Variants in SERGEF observed in about 807,000 individuals in gnomAD.
SERGEF encodes the protein secretion-regulating guanine nucleotide exchange factor.
Under a neutral mutation model 50.0 loss-of-function variants are expected in SERGEF, and 51 were observed. That is an observed-to-expected ratio of 1.02 (90% CI 0.81 to 1.29). The LOEUF is 1.29. SERGEF is among the 50% of genes most tolerant of loss of function. The probability of loss-of-function intolerance (pLI) is 0.00; values close to 1 mark genes in which losing one functional copy is unlikely to be tolerated. For missense variants in SERGEF, 521 were observed against 557.0 expected, an observed-to-expected ratio of 0.94 and a Z score of 0.65; for synonymous variants, 205 against 212.4, an observed-to-expected ratio of 0.97 and a Z score of 0.30.
Position 17,902,822 on chromosome 11 carries a change from C to G in SERGEF, c.1012-24578G>C, listed in dbSNP as rs117623465. 4.5e-4 allele frequency among the ~76,000 whole-genome samples: 68 copies of G among 152,268 alleles called. No homozygotes were observed. In the East Asian group the frequency reaches 0.011, roughly 25 times the overall value. ...CCAACATGCTGAGCTCATGAGCTTT[C>G]TAGAAGACAAGGGACAAGGGATATC... is the stretch of plus-strand genomic sequence containing the variant. On this transcript the variant is annotated intron_variant, in intron 9 of 10. Transcript: ENST00000265965.
At chr11:18,004,570 G>A (rs1220786628) in intron 3 of SERGEF, 35 bp from the exon 4 acceptor site, 2 of 1,449,324 alleles carry the variant, frequency 1.4e-6, no homozygotes, top group Admixed American at 1.8e-5. Context: ...GCAAATCTAT[G>A]AAGTAAGATG....
At chr11:17,998,708 TA>T (rs1019183101) in intron 5 of SERGEF, among the ~76,000 whole-genome samples, 5 of 151,280 alleles carry the variant, frequency 3.3e-5, no homozygotes, top group African/African-American at 1.2e-4. Flanking sequence ...TGTAGGGTCT[TA>T]ATCTAATAGG....
At chr11:17,866,305 G>A (rs1351052114) in intron 10 of SERGEF, among the ~76,000 whole-genome samples, 1 of 152,184 alleles carries the variant, frequency 6.6e-6, no homozygotes, top group African/African-American at 2.4e-5. Context: ...TCCATAAATA[G>A]TTTTCAGATA....
intron 1 of SERGEF, among the ~76,000 whole-genome samples, chr11:18,011,381 A>T (rs1319828519): frequency 6.6e-6 from 1 of 152,202 alleles, no homozygotes; most frequent in Non-Finnish European, 1.5e-5. Flanking sequence ...CACACAGAAA[A>T]GGCCATGTGA....
chr11:17,820,251 C>G (rs1162825298), intron 10 of SERGEF, among the ~76,000 whole-genome samples: 5 of 152,074 alleles, frequency 3.3e-5, no homozygotes, highest in Non-Finnish European at 5.9e-5. Flanking sequence ...ACTGCCCTCC[C>G]TCCCCCAAAC....
chr11:17,882,442 A>G (rs1030593447), intron 9 of SERGEF, among the ~76,000 whole-genome samples: 1 of 151,876 alleles, frequency 6.6e-6, no homozygotes, highest in Non-Finnish European at 1.5e-5. Flanking sequence ...AAAAAGAAAA[A>G]AAAAGACTGT....
At chr11:17,847,812 G>T (rs1027013057) in intron 10 of SERGEF, among the ~76,000 whole-genome samples, 1 of 152,160 alleles carries the variant, frequency 6.6e-6, no homozygotes, top group Non-Finnish European at 1.5e-5. Context: ...ACTGATTCCA[G>T]GTCCTTATCC....
intron 5 of SERGEF, among the ~76,000 whole-genome samples, chr11:17,997,315 G>A (rs1172894206): frequency 1.3e-5 from 2 of 152,178 alleles, no homozygotes; most frequent in African/African-American, 2.4e-5. Flanking sequence ...AACCATCAGG[G>A]AAATGAAAAC....
rs1851464719 is a variant in SERGEF at position 17,888,099 on chromosome 11, C to T, written c.1012-9855G>A. 6.6e-6 allele frequency among the ~76,000 whole-genome samples: 1 copy of T among 152,180 alleles called. No individual in the cohort carries two copies. The highest frequency in any genetic ancestry group is 2.4e-5 in the African/African-American group (1 of 41,448). On this transcript the variant is annotated intron_variant, in intron 9 of 10. Coordinates refer to ENST00000265965, the MANE Select transcript of SERGEF (RefSeq NM_012139.4). The surrounding 1 kb of genome is among the most constrained non-coding windows in gnomAD (Gnocchi z 4.1). ...TAGGCTGCGCAATCCTTATGAGACT[C>T]TAACTAATGCCTGGTGATCTGAGGT...
chr11:17,948,090 T>C (rs905208731), intron 9 of SERGEF, among the ~76,000 whole-genome samples: 1 of 151,898 alleles, frequency 6.6e-6, no homozygotes, highest in African/African-American at 2.4e-5. Flanking sequence ...CACATCGCCA[T>C]GCCTAATGTT....
Position 17,896,713 on chromosome 11 carries a change from A to AC in SERGEF, c.1012-18470_1012-18469insG, listed in dbSNP as rs1485783037. On this transcript the variant is annotated intron_variant, in intron 9 of 10. Coordinates refer to ENST00000265965, the MANE Select transcript of SERGEF (RefSeq NM_012139.4). ...AAAGGGGAAGGGTAAGGGAAGGGTA[A>AC]GGGAAGGGTAACGGAAGGGTAACGG... Among the ~76,000 whole-genome samples, 61 of 133,042 alleles carry AC rather than the reference A, an allele frequency of 4.6e-4. 4 individuals carry two copies. The highest frequency in any genetic ancestry group is 7.0e-4 in the Non-Finnish European group (43 of 61,390). 87.3% of individuals were successfully genotyped at this position (133,042 alleles called of 152,430 possible).
At chr11:17,950,627 T>C (rs1177390268) in intron 9 of SERGEF, among the ~76,000 whole-genome samples, 1 of 152,118 alleles carries the variant, frequency 6.6e-6, no homozygotes, top group Non-Finnish European at 1.5e-5. Context: ...ACTAGAAGAA[T>C]AGTGGTAGAA....
chr11:17,997,644 T>C (rs886505195), intron 5 of SERGEF, among the ~76,000 whole-genome samples: 1 of 152,194 alleles, frequency 6.6e-6, no homozygotes, highest in Non-Finnish European at 1.5e-5. Context: ...CATTGACAGA[T>C]GAATGGTAAG....
chr11:18,008,181 T>C, intron 1 of SERGEF, 105 bp from the exon 2 acceptor site: 1 of 1,165,804 alleles, frequency 8.6e-7, no homozygotes, highest in Non-Finnish European at 1.2e-6. Context: ...TCAGACCCTG[T>C]AACAGATGAG....
intron 10 of SERGEF, among the ~76,000 whole-genome samples, chr11:17,829,339 T>C (rs962661612): frequency 6.6e-6 from 1 of 152,214 alleles, no homozygotes; most frequent in Non-Finnish European, 1.5e-5. Context: ...AGGTCTTAGG[T>C]AGTACCTGAG....
intron 9 of SERGEF, among the ~76,000 whole-genome samples, chr11:17,924,422 A>G (rs768318164): frequency 1.8e-4 from 27 of 152,198 alleles, no homozygotes; most frequent in Non-Finnish European, 3.1e-4. Context: ...AAGTCTGGCT[A>G]TAAGAAGGGT....
At chr11:17,933,643 A>G (rs1852394971) in intron 9 of SERGEF, among the ~76,000 whole-genome samples, 1 of 152,078 alleles carries the variant, frequency 6.6e-6, no homozygotes, top group Admixed American at 6.6e-5. Flanking sequence ...CAGTATCTAT[A>G]TTCCCTTAAG....
intron 10 of SERGEF, 172 bp downstream of exon 10, chr11:17,878,036 G>T (rs1292257045): frequency 5.1e-6 from 3 of 586,514 alleles, no homozygotes; most frequent in Non-Finnish European, 9.2e-6. Flanking sequence ...GAAATATTCA[G>T]AAAAGGAGCT....
intron 9 of SERGEF, among the ~76,000 whole-genome samples, chr11:17,941,894 A>C (rs1397882844): frequency 1.3e-5 from 2 of 152,166 alleles, no homozygotes; most frequent in Admixed American, 1.3e-4. Context: ...GATGTTGAGC[A>C]ACTTTTCACA....
Sources: allele counts gnomAD v4.1 joint callset (sites outside exome capture counted in the v4.1 genomes callset), GRCh38; gene constraint gnomAD v4.1.1; non-coding constraint Gnocchi (gnomAD v3.1); transcripts MANE v1.5; gene names NCBI Gene and HGNC (gene_info 2026-07-23, HGNC 2026-07-21).